NRG1: variants seen among roughly 807,000 people sequenced by gnomAD.
NRG1 encodes the protein pro-neuregulin-1, membrane-bound isoform.
NRG1 carries 18 observed loss-of-function variants against 63.8 expected under a neutral mutation model. The observed-to-expected ratio is 0.28, with a 90% CI of 0.19 to 0.42. The LOEUF is 0.42. Among genes scored for constraint, NRG1 ranks in the 10% least tolerant of loss-of-function variants. NRG1 has a pLI of 1.00. For synonymous variants in NRG1, 302 were observed against 301.3 expected (o/e 1.00, Z -0.02); for missense variants, 762 against 814.7 (o/e 0.94, Z 0.79).
At chr8:32,504,821 AT>A (rs1228577474) in intron 1 of NRG1, among the ~76,000 whole-genome samples, 1 of 152,214 alleles carries the variant, frequency 6.6e-6, no homozygotes, top group Admixed American at 6.5e-5. Context: ...GACTTAAAAA[AT>A]TTTTTTCTTG....
intron 1 of NRG1, among the ~76,000 whole-genome samples, chr8:32,051,036 G>A (rs1216942414): frequency 6.6e-6 from 1 of 152,076 alleles, no homozygotes; most frequent in East Asian, 1.9e-4. Flanking sequence ...TTAATATAAA[G>A]TAGAATATGG....
intron 1 of NRG1, among the ~76,000 whole-genome samples, chr8:31,820,660 A>T: frequency 6.6e-6 from 1 of 152,236 alleles, no homozygotes; most frequent in East Asian, 1.9e-4. Flanking sequence ...ATGAACTAGA[A>T]TTATGAGCAT....
intron 1 of NRG1, among the ~76,000 whole-genome samples, chr8:32,396,431 C>T (rs1010626508): frequency 7.2e-5 from 11 of 152,034 alleles, no homozygotes; most frequent in Admixed American, 3.9e-4. Flanking sequence ...TGTCAGAGTT[C>T]GCCCAAATGG....
At chr8:31,866,909 C>A (rs1585366909) in intron 1 of NRG1, among the ~76,000 whole-genome samples, 1 of 152,208 alleles carries the variant, frequency 6.6e-6, no homozygotes, top group East Asian at 1.9e-4. Flanking sequence ...TTTAGGAGGG[C>A]ACTGTTCCTC....
chr8:32,292,115 T>A (rs1854277482), intron 1 of NRG1, among the ~76,000 whole-genome samples: 2 of 152,206 alleles, frequency 1.3e-5, no homozygotes, highest in South Asian at 4.2e-4. Flanking sequence ...TTTCATTTTT[T>A]CCCCCAACCA....
intron 6 of NRG1, among the ~76,000 whole-genome samples, chr8:32,732,099 G>A (rs1057043337): frequency 6.6e-6 from 1 of 152,162 alleles, no homozygotes; most frequent in African/African-American, 2.4e-5. Flanking sequence ...AGAGGTTTCC[G>A]GATTGCTTGG....
intron 1 of NRG1, among the ~76,000 whole-genome samples, chr8:32,132,201 G>A (rs1384359735): frequency 1.3e-5 from 2 of 152,042 alleles, no homozygotes; most frequent in Non-Finnish European, 2.9e-5. Context: ...TTTCATGTGT[G>A]TTGTCTCCAA....
At chr8:32,088,606 C>T (rs779902884) in intron 1 of NRG1, among the ~76,000 whole-genome samples, 3 of 151,894 alleles carry the variant, frequency 2.0e-5, no homozygotes, top group African/African-American at 4.8e-5. Flanking sequence ...CAACCTCCGC[C>T]TCCTGGGTTC....
intron 1 of NRG1, among the ~76,000 whole-genome samples, chr8:32,355,962 C>A (rs575140326): frequency 6.6e-6 from 1 of 151,886 alleles, no homozygotes; most frequent in Non-Finnish European, 1.5e-5. Flanking sequence ...TGTGCACGTG[C>A]GCGTGTGTGT....
intron 1 of NRG1, among the ~76,000 whole-genome samples, chr8:32,127,259 C>T (rs1048961023): frequency 2.6e-5 from 4 of 151,816 alleles, no homozygotes; most frequent in African/African-American, 4.8e-5. Context: ...TCTTAAACTG[C>T]ACCAAAAACC....
intron 1 of NRG1, among the ~76,000 whole-genome samples, chr8:32,437,079 T>A (rs890475879): frequency 1.3e-5 from 2 of 152,124 alleles, no homozygotes; most frequent in African/African-American, 4.8e-5. Context: ...GAGAGATATT[T>A]GGCCCATTTT....
At chr8:32,753,268 A>C (rs1829064049) in intron 7 of NRG1, among the ~76,000 whole-genome samples, 2 of 152,352 alleles carry the variant, frequency 1.3e-5, no homozygotes, top group African/African-American at 2.4e-5. Flanking sequence ...ACTCACTGGA[A>C]GCTCAGGTCC....
At chr8:31,833,636 G>A (rs532831129) in intron 1 of NRG1, among the ~76,000 whole-genome samples, 1 of 152,296 alleles carries the variant, frequency 6.6e-6, no homozygotes, top group Non-Finnish European at 1.5e-5. Flanking sequence ...AAGTTACCAT[G>A]TAATAATTGG....
chr8:32,425,030 A>G (rs1428605201), intron 1 of NRG1, among the ~76,000 whole-genome samples: 1 of 152,216 alleles, frequency 6.6e-6, no homozygotes, highest in Non-Finnish European at 1.5e-5. Context: ...CTTATTGAAA[A>G]GCAGCTATTG....
chr8:32,111,494 G>A (rs1832023669), intron 1 of NRG1, among the ~76,000 whole-genome samples: 1 of 152,164 alleles, frequency 6.6e-6, no homozygotes, highest in South Asian at 2.1e-4. Context: ...CAGTATTCAA[G>A]TGGTACCTCC....
chr8:32,706,066 A>T lies in NRG1; in HGVS notation c.503-21883A>T, dbSNP rs570988453. 5.1e-4 allele frequency among the ~76,000 whole-genome samples: 77 copies of T among 152,360 alleles called. 1 individual carries two copies. Among genetic ancestry groups the T allele is most frequent in the African/African-American group, 1.9e-3 (77 of 41,590 alleles). ...AGAGGAATTTGCTTATGGAAAGATG[A>T]TCTAGCAAATGAGATAAACTGGACT... On this transcript the variant is annotated intron_variant, in intron 5 of 11. Coordinates refer to ENST00000356819, the Ensembl canonical transcript of NRG1.
chr8:32,522,101 C>T (rs1414375143), intron 1 of NRG1, among the ~76,000 whole-genome samples: 1 of 152,148 alleles, frequency 6.6e-6, no homozygotes, highest in Middle Eastern at 3.2e-3. Context: ...GCTTGGACTT[C>T]CTCCATTCCA....
intron 5 of NRG1, among the ~76,000 whole-genome samples, chr8:32,658,915 G>A (rs1171339224): frequency 1.3e-5 from 2 of 152,076 alleles, no homozygotes; most frequent in Non-Finnish European, 2.9e-5. Context: ...ACATGTTTTG[G>A]TGACATATTT....
At chr8:32,328,319 G>T (rs1802246330) in intron 1 of NRG1, among the ~76,000 whole-genome samples, 1 of 152,098 alleles carries the variant, frequency 6.6e-6, no homozygotes, top group South Asian at 2.1e-4. Flanking sequence ...CTGGCTTCAT[G>T]AATCATTTGG....
Sources: gnomAD v4.1 joint callset for allele counts (sites outside exome capture counted in the v4.1 genomes callset) on GRCh38, gnomAD v4.1.1 for gene constraint, MANE v1.5 for transcripts, NCBI Gene and HGNC (gene_info 2026-07-23, HGNC 2026-07-21) for gene names.